CNTN1: variants seen among roughly 807,000 people sequenced by gnomAD.
CNTN1 encodes the protein contactin 1.
A neutral mutation model predicts 126.4 loss-of-function variants in CNTN1; 38 were observed. The observed-to-expected ratio is 0.30, with a 90% CI of 0.23 to 0.39. The LOEUF (loss-of-function observed/expected upper bound fraction) is 0.39. CNTN1 is among the 10% of genes least tolerant of loss of function. The probability of loss-of-function intolerance (pLI) is 1.00; values close to 1 mark genes in which losing one functional copy is unlikely to be tolerated. For missense variants in CNTN1, 1,009 were observed against 1,248.4 expected (o/e 0.81, Z 2.89); for synonymous variants, 413 against 422.6 (o/e 0.98, Z 0.28).
chr12:40,993,438 G>A (rs1432925463), intron 17 of CNTN1, among the ~76,000 whole-genome samples, 169 bp downstream of exon 17: 1 of 152,022 alleles, frequency 6.6e-6, no homozygotes, highest in African/African-American at 2.4e-5. Context: ...GAGGAAATAT[G>A]AAGTTTAAGA....
intron 3 of CNTN1, among the ~76,000 whole-genome samples, chr12:40,917,847 C>T (rs1323685947): frequency 2.0e-5 from 3 of 152,122 alleles, no homozygotes; most frequent in African/African-American, 7.2e-5. Flanking sequence ...CTCAACACGG[C>T]TGTTTGTGAT....
At chr12:40,965,538 T>C (rs1947275638) in intron 15 of CNTN1, among the ~76,000 whole-genome samples, 1 of 152,188 alleles carries the variant, frequency 6.6e-6, no homozygotes. Context: ...ATCTGGCATA[T>C]GCTAATACAA....
intron 15 of CNTN1, among the ~76,000 whole-genome samples, chr12:40,962,500 T>C (rs1012338415): frequency 1.3e-5 from 2 of 152,146 alleles, no homozygotes; most frequent in African/African-American, 2.4e-5. Flanking sequence ...GCATTGGATC[T>C]GATTTCATGG....
rs372976659 is a variant in CNTN1 at position 40,936,373 on chromosome 12, G to A, written c.986-408G>A. On this transcript the variant is annotated intron_variant, in intron 9 of 23. Transcript: ENST00000551295. Reference sequence around the variant, plus strand: ...GAAGATAATGTATACCTGAGGGAGTGGGAAAAATATCTGAGTCTTTATCCA... The same window carrying A: ...GAAGATAATGTATACCTGAGGGAGTAGGAAAAATATCTGAGTCTTTATCCA... Among the ~76,000 whole-genome samples the A allele has an allele frequency of 1.1e-3, 166 of 152,058 alleles. 4 individuals are homozygous for A. In the South Asian group the frequency reaches 0.033, roughly 31 times the overall value.
At chr12:40,695,310 G>A (rs1941424860) in intron 1 of CNTN1, among the ~76,000 whole-genome samples, 3 of 152,082 alleles carry the variant, frequency 2.0e-5, no homozygotes, top group Admixed American at 2.0e-4. Context: ...ACTTCCTCTG[G>A]CTTTATGATC....
At chr12:41,033,919 G>A (rs576087873) in intron 23 of CNTN1, among the ~76,000 whole-genome samples, 3 of 151,732 alleles carry the variant, frequency 2.0e-5, no homozygotes, top group East Asian at 1.9e-4. Context: ...GCGTGGTGGC[G>A]GGCACCTGTA....
chr12:40,924,477 G>A, intron 5 of CNTN1, 80 bp from the exon 6 acceptor site: 1 of 790,772 alleles, frequency 1.3e-6, no homozygotes, highest in East Asian at 2.7e-5. Context: ...TGAGTTATTT[G>A]CTGAAAGGTA....
chr12:40,802,032 T>C (rs1940677683), intron 1 of CNTN1, among the ~76,000 whole-genome samples: 1 of 151,796 alleles, frequency 6.6e-6, no homozygotes, highest in Non-Finnish European at 1.5e-5. Context: ...GCTGTAGGCA[T>C]CAAACATGAG....
chr12:40,709,766 C>T (rs1941864325), intron 1 of CNTN1, among the ~76,000 whole-genome samples: 1 of 152,110 alleles, frequency 6.6e-6, no homozygotes, highest in Non-Finnish European at 1.5e-5. Context: ...TGCTAGCTTC[C>T]AGCTCTTCTT....
chr12:40,885,891 T>C (rs534873137), intron 1 of CNTN1, among the ~76,000 whole-genome samples: 2 of 152,210 alleles, frequency 1.3e-5, no homozygotes, highest in East Asian at 3.9e-4. Flanking sequence ...AATAAATATT[T>C]ATAGCTTTTC....
intron 1 of CNTN1, among the ~76,000 whole-genome samples, chr12:40,719,963 AAGT>A (rs1287570197): frequency 6.6e-6 from 1 of 150,756 alleles, no homozygotes; most frequent in African/African-American, 2.4e-5. Flanking sequence ...TCAGCCTTCT[AAGT>A]AGCTGGGATT....
At chr12:41,004,356 C>T (rs116762101) in intron 17 of CNTN1, among the ~76,000 whole-genome samples, 250 of 151,868 alleles carry the variant, frequency 1.6e-3, no homozygotes, top group African/African-American at 5.7e-3. Flanking sequence ...GTTTTATTTC[C>T]AATTATGTGC....
At chr12:40,999,259 C>T (rs1948296185) in intron 17 of CNTN1, among the ~76,000 whole-genome samples, 1 of 152,148 alleles carries the variant, frequency 6.6e-6, no homozygotes, top group African/African-American at 2.4e-5. Context: ...GTTAAAGCAG[C>T]TCACTATTTT....
chr12:40,875,364 G>C (rs1295125011), intron 1 of CNTN1, among the ~76,000 whole-genome samples: 1 of 151,924 alleles, frequency 6.6e-6, no homozygotes, highest in Admixed American at 6.6e-5. Flanking sequence ...TCACCACAAT[G>C]ATCCCTCCTG....
intron 17 of CNTN1, among the ~76,000 whole-genome samples, chr12:40,996,086 A>G (rs17553069): frequency 0.032 from 4,875 of 151,608 alleles, 109 homozygotes; most frequent in South Asian, 0.058. Context: ...GAATGCCCGC[A>G]TTATTATCTA....
intron 1 of CNTN1, among the ~76,000 whole-genome samples, chr12:40,826,119 A>G (rs7960431): frequency 0.099 from 15,083 of 152,214 alleles, 890 homozygotes; most frequent in Non-Finnish European, 0.13. Flanking sequence ...TAATTCTTAC[A>G]TTTGTAATTA....
intron 6 of CNTN1, among the ~76,000 whole-genome samples, chr12:40,925,844 GTA>G (rs1201149636): frequency 0.034 from 1,296 of 38,240 alleles, 5 homozygotes; most frequent in South Asian, 0.068. Flanking sequence ...GTGTGTGTGT[GTA>G]TATATATATA....
chr12:40,831,824 G>A (rs1941851278), intron 1 of CNTN1, among the ~76,000 whole-genome samples: 1 of 152,102 alleles, frequency 6.6e-6, no homozygotes, highest in African/African-American at 2.4e-5. Flanking sequence ...AAGGGCCTGT[G>A]CTTTCAATGG....
At chr12:40,706,892 A>C (rs866258746) in intron 1 of CNTN1, among the ~76,000 whole-genome samples, 1 of 152,216 alleles carries the variant, frequency 6.6e-6, no homozygotes, top group Non-Finnish European at 1.5e-5. Context: ...GGCTTAGTAG[A>C]TCTGATATGG....
Sources: gnomAD v4.1 joint callset for allele counts (sites outside exome capture counted in the v4.1 genomes callset) on GRCh38, gnomAD v4.1.1 for gene constraint, MANE v1.5 for transcripts, NCBI Gene and HGNC (gene_info 2026-07-23, HGNC 2026-07-21) for gene names.